ANKRD30A: variants seen among roughly 807,000 people sequenced by gnomAD.
The protein encoded by ANKRD30A is ankyrin repeat domain 30A.
ANKRD30A carries 170 observed loss-of-function variants against 166.3 expected under a neutral mutation model. The ratio of observed to expected loss-of-function variants is 1.02; its 90% CI spans 0.90 to 1.16. The LOEUF (loss-of-function observed/expected upper bound fraction) is 1.16. Among genes scored for constraint, ANKRD30A ranks in the 50% most tolerant of loss-of-function variants. ANKRD30A has a pLI of 0.00. For missense variants in ANKRD30A, 1,630 were observed against 1,518.0 expected, an observed-to-expected ratio of 1.07 and a Z score of -1.23; for synonymous variants, 564 against 508.9, an observed-to-expected ratio of 1.11 and a Z score of -1.46.
downstream of ANKRD30A, among the ~76,000 whole-genome samples, chr10:37,236,907 C>T (rs547474816): frequency 3.3e-5 from 5 of 152,260 alleles, no homozygotes; most frequent in African/African-American, 9.6e-5. Flanking sequence ...TTTTCTCCTT[C>T]GAGTTCCTTT....
chr10:37,265,402 A>C, the ANKRD30A span, among the ~76,000 whole-genome samples: 12 of 152,236 alleles, frequency 7.9e-5, no homozygotes, highest in Middle Eastern at 6.8e-3. Flanking sequence ...CTTAGACCCC[A>C]AAAACAGGCT....
chr10:37,141,123 A>G (rs182961304), intron 6 of ANKRD30A, among the ~76,000 whole-genome samples: 144 of 151,986 alleles, frequency 9.5e-4, no homozygotes, highest in Admixed American at 1.7e-3. Flanking sequence ...TCTTGTTATT[A>G]TTGTCTTTTT....
intron 11 of ANKRD30A, among the ~76,000 whole-genome samples, chr10:37,151,474 T>C (rs17589975): frequency 1.3e-5 from 2 of 152,062 alleles, no homozygotes; most frequent in Admixed American, 1.3e-4. Context: ...TTAATTTATA[T>C]TCAATAAAAG....
intron 6 of ANKRD30A, among the ~76,000 whole-genome samples, chr10:37,138,318 G>A (rs951648801): frequency 6.6e-6 from 1 of 152,044 alleles, no homozygotes; most frequent in Non-Finnish European, 1.5e-5. Flanking sequence ...AAAATCAGAG[G>A]GCCTCTCCTC....
the ANKRD30A span, among the ~76,000 whole-genome samples, chr10:37,244,337 C>T: frequency 5.9e-5 from 9 of 152,130 alleles, no homozygotes; most frequent in Admixed American, 1.3e-4. Context: ...ACTGGCACCA[C>T]GTAGACACAT....
intron 6 of ANKRD30A, among the ~76,000 whole-genome samples, chr10:37,140,806 T>C (rs1040845998): frequency 1.2e-4 from 18 of 152,216 alleles, no homozygotes; most frequent in Admixed American, 3.9e-4. Context: ...ATGAATTATA[T>C]GGGCATATCT....
intron 34 of ANKRD30A, among the ~76,000 whole-genome samples, chr10:37,225,086 G>A (rs564714757): frequency 6.6e-6 from 1 of 150,442 alleles, no homozygotes; most frequent in African/African-American, 2.4e-5. Context: ...AAGTAATCAT[G>A]GTTCAAAAAC....
At chr10:37,163,084 CTG>C (rs1446917227) in intron 17 of ANKRD30A, among the ~76,000 whole-genome samples, 9 of 151,708 alleles carry the variant, frequency 5.9e-5, no homozygotes, top group African/African-American at 1.7e-4. Context: ...TATCCTGAAA[CTG>C]TAATGTTTTC....
chr10:37,210,342 AT>A (rs1426249134), intron 31 of ANKRD30A, among the ~76,000 whole-genome samples: 4 of 151,956 alleles, frequency 2.6e-5, no homozygotes, highest in African/African-American at 9.7e-5. Context: ...TATGTGCCAC[AT>A]TTTCTTTATC....
downstream of ANKRD30A, among the ~76,000 whole-genome samples, chr10:37,235,403 T>C (rs1843628812): frequency 6.6e-6 from 1 of 152,218 alleles, no homozygotes; most frequent in Non-Finnish European, 1.5e-5. Flanking sequence ...AAACTATTGA[T>C]ATTTTTATCT....
intron 3 of ANKRD30A, 144 bp downstream of exon 3, chr10:37,130,522 T>G: frequency 1.7e-6 from 1 of 577,608 alleles, no homozygotes; most frequent in East Asian, 3.7e-5. Flanking sequence ...AAGATTTTAC[T>G]TTAAATATTA....
intron 25 of ANKRD30A, among the ~76,000 whole-genome samples, chr10:37,192,591 A>T (rs1229247106): frequency 6.6e-6 from 1 of 152,070 alleles, no homozygotes; most frequent in Non-Finnish European, 1.5e-5. Context: ...CCTAAACTCC[A>T]GGACAAATTG....
At chr10:37,171,419 G>T (rs1302996530) in intron 21 of ANKRD30A, among the ~76,000 whole-genome samples, 3 of 149,320 alleles carry the variant, frequency 2.0e-5, no homozygotes, top group South Asian at 4.2e-4. Context: ...TTTCCAATAC[G>T]CATTACAACT....
chr10:37,197,655 A>T (rs941422026), intron 29 of ANKRD30A, among the ~76,000 whole-genome samples, 175 bp downstream of exon 29: 2 of 152,124 alleles, frequency 1.3e-5, no homozygotes, highest in African/African-American at 4.8e-5. Context: ...AGTAATTTTC[A>T]ATATTTTTTT....
chr10:37,216,153 T>C, intron 31 of ANKRD30A, 28 bp from the exon 32 acceptor site: 2 of 1,483,546 alleles, frequency 1.3e-6, no homozygotes, highest in Non-Finnish European at 1.8e-6. Context: ...TACTAATATA[T>C]TTTATTTGTA....
chr10:37,196,830 T>C (rs553315018), intron 27 of ANKRD30A, among the ~76,000 whole-genome samples: 20 of 152,318 alleles, frequency 1.3e-4, no homozygotes, highest in Non-Finnish European at 2.5e-4. Flanking sequence ...TCCAAGCTGA[T>C]CAATTCAAAA....
At chr10:37,240,302 C>A in the ANKRD30A span, among the ~76,000 whole-genome samples, 1 of 152,080 alleles carries the variant, frequency 6.6e-6, no homozygotes, top group African/African-American at 2.4e-5. Flanking sequence ...CTACACACTG[C>A]AGTTGTTTTG....
At chr10:37,209,059 G>A (rs1190948201) in intron 31 of ANKRD30A, among the ~76,000 whole-genome samples, 1 of 152,038 alleles carries the variant, frequency 6.6e-6, no homozygotes, top group Non-Finnish European at 1.5e-5. Flanking sequence ...TATGACTATA[G>A]CACAGTTTAT....
chr10:37,159,600 T>A (rs1265435465), intron 15 of ANKRD30A, among the ~76,000 whole-genome samples: 2 of 152,232 alleles, frequency 1.3e-5, no homozygotes, highest in Non-Finnish European at 2.9e-5. Context: ...TCTTATACGC[T>A]GTGTGTAGAA....
Sources: gnomAD v4.1 joint callset for allele counts (sites outside exome capture counted in the v4.1 genomes callset) on GRCh38, gnomAD v4.1.1 for gene constraint, MANE v1.5 for transcripts, NCBI Gene and HGNC (gene_info 2026-07-23, HGNC 2026-07-21) for gene names.